CD82: variants seen among roughly 807,000 people sequenced by gnomAD.
CD82 encodes CD82 molecule.
CD82 carries 36 observed loss-of-function variants against 37.4 expected under a neutral mutation model. The ratio of observed to expected loss-of-function variants is 0.96; its 90% CI spans 0.74 to 1.27. CD82 has a LOEUF of 1.27. Ranked by LOEUF, CD82 falls within the 50% of genes most tolerant of loss-of-function variation. The pLI is 0.00. For synonymous variants in CD82, 158 were observed against 137.4 expected (o/e 1.15, Z -1.05); for missense variants, 340 against 347.0 (o/e 0.98, Z 0.16).
intron 3 of CD82, among the ~76,000 whole-genome samples, chr11:44,598,431 A>ATTTTTTT (rs1853260796): frequency 1.6e-4 from 1 of 6,414 alleles, no homozygotes; most frequent in African/African-American, 5.5e-4. Flanking sequence ...TTTTTTTTTG[A>ATTTTTTT]GACGGAGTCT....
At chr11:44,566,119 C>G (rs902044329) in intron 1 of CD82, 6 of 152,248 alleles carry the variant, frequency 3.9e-5, no homozygotes, top group Admixed American at 2.0e-4. Context: ...TCTGCAGTTT[C>G]TCTCCCTGCA....
chr11:44,602,666 A>C (rs1313888814), intron 4 of CD82, among the ~76,000 whole-genome samples: 1 of 146,918 alleles, frequency 6.8e-6, no homozygotes, highest in East Asian at 2.1e-4. Context: ...AGAAAGACTA[A>C]AAGGTGAAAA....
intron 1 of CD82, among the ~76,000 whole-genome samples, chr11:44,579,062 CCAGAG>C (rs1420085910): frequency 6.6e-6 from 1 of 152,150 alleles, no homozygotes; most frequent in Non-Finnish European, 1.5e-5. Context: ...AATGGCTGGA[CCAGAG>C]CACTGCAGTG....
intron 2 of CD82, among the ~76,000 whole-genome samples, chr11:44,589,803 G>T (rs937156778): frequency 9.2e-5 from 14 of 152,222 alleles, no homozygotes; most frequent in African/African-American, 3.1e-4. Context: ...CAAAGTTCCC[G>T]TGCTAAGGGT....
At chr11:44,571,289 G>C (rs1024526398) in intron 1 of CD82, among the ~76,000 whole-genome samples, 6 of 152,166 alleles carry the variant, frequency 3.9e-5, no homozygotes, top group Non-Finnish European at 8.8e-5. Flanking sequence ...AGCTGGGCTT[G>C]GGCCTGGGGG....
At chr11:44,601,413 T>TA (rs1853307463) in intron 4 of CD82, among the ~76,000 whole-genome samples, 1 of 151,956 alleles carries the variant, frequency 6.6e-6, no homozygotes, top group African/African-American at 2.4e-5. Flanking sequence ...ATTCTGGGGT[T>TA]AGGGTGGGTG....
chr11:44,583,674 C>T (rs866548209), intron 1 of CD82, among the ~76,000 whole-genome samples: 1 of 152,230 alleles, frequency 6.6e-6, no homozygotes, highest in Non-Finnish European at 1.5e-5. Context: ...AGCTTAGCCA[C>T]TTGTGTGGCC....
intron 2 of CD82, among the ~76,000 whole-genome samples, chr11:44,590,528 G>A (rs1222384921): frequency 2.1e-5 from 3 of 143,750 alleles, no homozygotes; most frequent in Non-Finnish European, 4.5e-5. Context: ...GGAGAATGGC[G>A]TGAACCCAGG....
At position 44,618,269 on chromosome 11, in the gene CD82, G is replaced by A. The variant is rs890751636; in HGVS notation, c.546G>A (p.Glu182=). The A allele has an allele frequency of 2.5e-6, 4 of 1,614,018 alleles. No individual in the cohort carries two copies. The highest frequency in any genetic ancestry group is 2.7e-5 in the African/African-American group (2 of 74,922). ...YPCSCEVKGE[E]DNSLSVRKGF... is the part of the protein sequence containing the mutation. ...GTTCCTGCGAAGTCAAGGGGGAAGA[G>A]GACAACAGCCTTTCTGTGAGGAAGG... Residue 182 remains glutamate, a synonymous_variant, in exon 8 of 10, where the codon GAG becomes GAA. Coordinates refer to ENST00000227155, the MANE Select transcript of CD82 (RefSeq NM_002231.4).
At position 44,576,868 on chromosome 11, in the gene CD82, G is replaced by T. The variant is rs76168936; in HGVS notation, c.-102-10607G>T. Among the ~76,000 whole-genome samples, 9 of 152,112 alleles carry T rather than the reference G, an allele frequency of 5.9e-5. No homozygotes were observed. The East Asian group carries it at 1.5e-3, about 26-fold the overall frequency. ...GATGAGGATGACAGGGCAGGGAGTT[G>T]CCCAGGATCCCGTGGGCAGTTGAGG... On this transcript the variant is annotated intron_variant, in intron 1 of 9. Coordinates refer to ENST00000227155, the MANE Select transcript of CD82 (RefSeq NM_002231.4).
At chr11:44,582,066 G>T (rs1852987016) in intron 1 of CD82, among the ~76,000 whole-genome samples, 1 of 152,218 alleles carries the variant, frequency 6.6e-6, no homozygotes, top group African/African-American at 2.4e-5. Flanking sequence ...ATGGCACAAA[G>T]TCAGTAGGAT....
chr11:44,586,162 G>A (rs1853051408), intron 1 of CD82, among the ~76,000 whole-genome samples: 2 of 152,214 alleles, frequency 1.3e-5, no homozygotes, highest in South Asian at 4.1e-4. Context: ...TGCCCAGGCT[G>A]CACCCCAGAA....
intron 1 of CD82, chr11:44,572,986 C>T (rs1852836180): frequency 6.6e-6 from 1 of 152,282 alleles, no homozygotes; most frequent in East Asian, 1.9e-4. Flanking sequence ...AGAGAACAGC[C>T]CAGACAGAAC....
chr11:44,619,006 C>T (rs376406578), intron 9 of CD82, 43 bp from the exon 10 acceptor site: 206 of 1,544,496 alleles, frequency 1.3e-4, no homozygotes, highest in Admixed American at 3.8e-4. Context: ...CGTCTGAGGC[C>T]GGGACACCCA....
chr11:44,590,483 C>T (rs942780405), intron 2 of CD82, among the ~76,000 whole-genome samples: 1 of 151,068 alleles, frequency 6.6e-6, no homozygotes, highest in Non-Finnish European at 1.5e-5. Context: ...TGGTGGCGGG[C>T]GCCTGTAGTC....
intron 1 of CD82, among the ~76,000 whole-genome samples, chr11:44,567,488 A>G (rs1026248690): frequency 6.6e-6 from 1 of 152,046 alleles, no homozygotes; most frequent in Non-Finnish European, 1.5e-5. Context: ...TGAGACTTGA[A>G]TAGGACTTTC....
chr11:44,573,899 G>A lies in CD82; in HGVS notation c.-103+8163G>A, dbSNP rs114571489. ...TTTTATGAGGATTAAATGAGATAAT[G>A]CTGGTAAAATGCTTCGTGGCAGGCC... On this transcript the variant is annotated intron_variant, in intron 1 of 9. Coordinates refer to ENST00000227155, the MANE Select transcript of CD82 (RefSeq NM_002231.4). Among the ~76,000 whole-genome samples, 1,496 of 152,298 alleles carry A rather than the reference G, an allele frequency of 9.8e-3. 20 individuals carry two copies. The highest frequency in any genetic ancestry group is 0.034 in the African/African-American group (1,428 of 41,538).
At chr11:44,609,593 G>T (rs891720544) in intron 6 of CD82, among the ~76,000 whole-genome samples, 1 of 152,202 alleles carries the variant, frequency 6.6e-6, no homozygotes, top group Non-Finnish European at 1.5e-5. Context: ...CTCTCACCCT[G>T]AAAGCCCCAA....
chr11:44,613,902 G>A (rs1853522919), intron 6 of CD82, among the ~76,000 whole-genome samples: 1 of 152,162 alleles, frequency 6.6e-6, no homozygotes, highest in Non-Finnish European at 1.5e-5. Context: ...GTCCCAGAAA[G>A]GCAACTGACC....
Sources: gnomAD v4.1 joint callset for allele counts (sites outside exome capture counted in the v4.1 genomes callset) on GRCh38, gnomAD v4.1.1 for gene constraint, MANE v1.5 for transcripts, NCBI Gene and HGNC (gene_info 2026-07-23, HGNC 2026-07-21) for gene names.